Variants in PDIA5 observed in about 807,000 individuals in gnomAD.
PDIA5 encodes protein disulfide-isomerase A5.
In PDIA5, 58 loss-of-function variants were observed where a neutral mutation model predicts 77.6. The observed-to-expected ratio is 0.75, with a 90% confidence interval of 0.61 to 0.93. The LOEUF is 0.93. Among genes scored for constraint, PDIA5 ranks in the 40% least tolerant of loss-of-function variants. PDIA5 has a pLI of 0.00. For synonymous variants in PDIA5, 250 were observed against 252.1 expected (o/e 0.99, Z 0.08); for missense variants, 630 against 647.7 (o/e 0.97, Z 0.30).
chr3:123,086,190 A>T (rs1010917804), intron 1 of PDIA5, among the ~76,000 whole-genome samples: 2 of 152,212 alleles, frequency 1.3e-5, no homozygotes, highest in African/African-American at 4.8e-5. Context: ...CTGAGATGGA[A>T]GTTTGTGTTA....
chr3:123,092,224 T>C, intron 2 of PDIA5, 131 bp from the exon 3 acceptor site: 1 of 686,154 alleles, frequency 1.5e-6, no homozygotes, highest in Non-Finnish European at 2.5e-6. Context: ...ATGGGTGTTT[T>C]ACCTGGTGCT....
intron 14 of PDIA5, among the ~76,000 whole-genome samples, chr3:123,152,965 CTT>C (rs5852323): frequency 4.2e-5 from 6 of 143,248 alleles, no homozygotes; most frequent in Admixed American, 6.9e-5. Context: ...GAGGCAGTGC[CTT>C]TTTTTTTTTT....
chr3:123,067,353 C>T (rs936606415), intron 1 of PDIA5, 147 bp downstream of exon 1: 28 of 680,286 alleles, frequency 4.1e-5, no homozygotes, highest in Non-Finnish European at 5.2e-5. Context: ...CAGGCGGGCA[C>T]TGGGTGCTAC....
chr3:123,112,984 C>T (rs1934901002), intron 7 of PDIA5, among the ~76,000 whole-genome samples: 1 of 152,214 alleles, frequency 6.6e-6, no homozygotes, highest in African/African-American at 2.4e-5. Flanking sequence ...GCTGTAGATC[C>T]AGCTCTGCCC....
intron 8 of PDIA5, among the ~76,000 whole-genome samples, chr3:123,116,592 G>A (rs890473601): frequency 6.6e-5 from 10 of 152,258 alleles, no homozygotes; most frequent in African/African-American, 2.4e-4. Context: ...AGGGACCAAG[G>A]TCGGAACATC....
Position 123,089,181 on chromosome 3 carries a change from C to A in PDIA5, c.56C>A (p.Ser19Ter). The part of the protein sequence containing the change: ...LLLAIWVVLP[S>*]WLSSAKVSSL... ...CTTGATCCCCAGGTGGTCCTGCCAT[C>A]ATGGCTGTCCTCTGCAAAGGTCTCC... is the stretch of plus-strand genomic sequence containing the variant. The change falls in exon 2 of 17, where the codon TCA becomes TAA. Residue 19 changes from serine to a stop codon, truncating the protein, a stop_gained. Transcript: ENST00000316218. LOFTEE classifies it high-confidence loss of function. 6.2e-7 allele frequency: 1 copy of A among 1,613,568 alleles called. No homozygotes were observed. Among genetic ancestry groups the A allele is most frequent in the Non-Finnish European group, 8.5e-7 (1 of 1,179,692 alleles).
intron 1 of PDIA5, among the ~76,000 whole-genome samples, chr3:123,083,337 C>T (rs892110255): frequency 6.6e-6 from 1 of 152,130 alleles, no homozygotes; most frequent in African/African-American, 2.4e-5. Context: ...CTCTATTTCC[C>T]AGCAGCAGAA....
At chr3:123,156,971 T>C (rs533085881) in intron 15 of PDIA5, among the ~76,000 whole-genome samples, 6 of 152,190 alleles carry the variant, frequency 3.9e-5, no homozygotes, top group Non-Finnish European at 8.8e-5. Context: ...CCATTCCCCC[T>C]GCACTGCTAC....
intron 15 of PDIA5, 22 bp from the exon 16 acceptor site, chr3:123,161,299 C>G (rs1936154283): frequency 6.2e-7 from 1 of 1,611,052 alleles, no homozygotes; most frequent in African/African-American, 1.3e-5. Context: ...CCTGTGCCAA[C>G]TCTCTTTACC....
intron 11 of PDIA5, among the ~76,000 whole-genome samples, chr3:123,131,194 T>C (rs1279180997): frequency 3.9e-5 from 6 of 152,116 alleles, no homozygotes; most frequent in Admixed American, 3.9e-4. Flanking sequence ...TGCTTGAGCC[T>C]GGGAGGTTGA....
At chr3:123,137,549 G>A (rs1188290355) in intron 11 of PDIA5, among the ~76,000 whole-genome samples, 1 of 152,180 alleles carries the variant, frequency 6.6e-6, no homozygotes, top group African/African-American at 2.4e-5. Context: ...ATTGGTCACT[G>A]ATCACACTTA....
At chr3:123,102,145 G>A (rs1443165949) in intron 3 of PDIA5, among the ~76,000 whole-genome samples, 10 of 152,004 alleles carry the variant, frequency 6.6e-5, no homozygotes, top group Admixed American at 2.6e-4. Flanking sequence ...CCTGACCTCA[G>A]GTGATCTGCC....
intron 1 of PDIA5, among the ~76,000 whole-genome samples, chr3:123,077,812 CT>C (rs35172329): frequency 0.16 from 22,352 of 141,594 alleles, 1,694 homozygotes; most frequent in Middle Eastern, 0.26. Flanking sequence ...AATTAATGTT[CT>C]TTTTTTTTTT....
intron 3 of PDIA5, among the ~76,000 whole-genome samples, chr3:123,096,124 T>G (rs1331794411): frequency 6.6e-6 from 1 of 152,046 alleles, no homozygotes; most frequent in African/African-American, 2.4e-5. Context: ...TCTCCTTCTT[T>G]TCTCTCCCCT....
chr3:123,162,074 G>T lies in PDIA5; in HGVS notation c.*114G>T, dbSNP rs1936173739. The T allele has an allele frequency of 2.8e-6, 2 of 702,000 alleles. No homozygotes were observed. Among genetic ancestry groups the T allele is most frequent in the Non-Finnish European group, 5.1e-6 (2 of 390,638 alleles). The allele number at this position is 702,000 out of a possible 1,614,324, so 43.5% of individuals were successfully genotyped here. On this transcript the variant is annotated 3_prime_UTR_variant, in exon 17 of 17. Transcript: ENST00000316218. ...TTTTATAGCCGCTTATGGCCATTTTGTACAATTTTGAAATAAAATTAAACC... is the reference window on the plus strand; with the variant it reads ...TTTTATAGCCGCTTATGGCCATTTTTTACAATTTTGAAATAAAATTAAACC...
intron 11 of PDIA5, among the ~76,000 whole-genome samples, chr3:123,135,352 C>G (rs1935473308): frequency 6.6e-6 from 1 of 152,118 alleles, no homozygotes; most frequent in South Asian, 2.1e-4. Context: ...CTGTGGACAC[C>G]CATGCAGGTT....
intron 6 of PDIA5, among the ~76,000 whole-genome samples, chr3:123,108,443 G>T (rs1383217142): frequency 6.6e-6 from 1 of 151,534 alleles, no homozygotes; most frequent in East Asian, 2.0e-4. Context: ...ACCATGCCTG[G>T]TTAATTTTTG....
chr3:123,073,020 G>C (rs1373145553), intron 1 of PDIA5, among the ~76,000 whole-genome samples: 1 of 152,288 alleles, frequency 6.6e-6, no homozygotes, highest in East Asian at 1.9e-4. Context: ...GCTCAGCCCT[G>C]GTGGGCTGGC....
At chr3:123,107,498 T>A (rs1177867202) in intron 6 of PDIA5, among the ~76,000 whole-genome samples, 1 of 152,142 alleles carries the variant, frequency 6.6e-6, no homozygotes, top group Non-Finnish European at 1.5e-5. Flanking sequence ...AAGGGTAGCC[T>A]GGTCAACATA....
Sources: allele counts gnomAD v4.1 joint callset (sites outside exome capture counted in the v4.1 genomes callset), GRCh38; gene constraint gnomAD v4.1.1; transcripts MANE v1.5; gene names NCBI Gene and HGNC (gene_info 2026-07-23, HGNC 2026-07-21).